The following PRKN variants were observed in gnomAD, a reference collection of about 807,000 sequenced individuals.
The protein encoded by PRKN is parkin RBR E3 ubiquitin protein ligase, also known as E3 ubiquitin-protein ligase parkin.
PRKN carries 56 observed loss-of-function variants against 59.5 expected under a neutral mutation model. That is an observed-to-expected ratio of 0.94 (90% CI 0.76 to 1.18). The LOEUF is 1.18. Among genes scored for constraint, PRKN ranks in the 50% most tolerant of loss-of-function variants. The pLI, the probability that PRKN is intolerant of heterozygous loss-of-function variation, is 0.00. For missense variants in PRKN, 657 were observed against 596.4 expected (o/e 1.10, Z -1.06); for synonymous variants, 250 against 222.1 (o/e 1.13, Z -1.12).
chr6:161,993,822 A>C (rs772754877), intron 5 of PRKN, among the ~76,000 whole-genome samples: 1 of 152,184 alleles, frequency 6.6e-6, no homozygotes, highest in Non-Finnish European at 1.5e-5. Context: ...TTCCAACCAC[A>C]GCAGAAGGCA....
intron 5 of PRKN, among the ~76,000 whole-genome samples, chr6:162,010,530 ATT>A (rs1782493412): frequency 3.5e-5 from 1 of 28,800 alleles, no homozygotes; most frequent in African/African-American, 2.7e-4. Flanking sequence ...TATATAATAT[ATT>A]ATATAATGTA....
intron 7 of PRKN, among the ~76,000 whole-genome samples, chr6:161,716,619 G>C (rs1028810965): frequency 7.9e-5 from 12 of 152,290 alleles, no homozygotes; most frequent in African/African-American, 2.9e-4. Context: ...CAAGAGGGGG[G>C]GAAAAGAAAC....
intron 1 of PRKN, among the ~76,000 whole-genome samples, chr6:162,573,399 T>C (rs1407296405): frequency 1.3e-5 from 2 of 152,190 alleles, no homozygotes; most frequent in East Asian, 1.9e-4. Context: ...AGTGCTCCCA[T>C]GCATAGATAT....
intron 7 of PRKN, among the ~76,000 whole-genome samples, chr6:161,587,313 C>T (rs1461709617): frequency 6.6e-6 from 1 of 152,042 alleles, no homozygotes; most frequent in African/African-American, 2.4e-5. Context: ...TGTTTAAAAG[C>T]TATAAAGAAG....
chr6:162,122,922 G>A (rs1023954271), intron 4 of PRKN, among the ~76,000 whole-genome samples: 3 of 151,574 alleles, frequency 2.0e-5, no homozygotes, highest in East Asian at 1.9e-4. Context: ...TGTTTCATTC[G>A]TGTCTTCTCA....
intron 4 of PRKN, among the ~76,000 whole-genome samples, chr6:162,135,713 G>GAGAAGGT (rs752678677): frequency 2.6e-5 from 4 of 152,070 alleles, no homozygotes; most frequent in Non-Finnish European, 5.9e-5. Flanking sequence ...GGGCTGGTCA[G>GAGAAGGT]AGAAGGTAGA....
chr6:162,679,066 T>C (rs1005501023), intron 1 of PRKN, among the ~76,000 whole-genome samples: 3 of 111,416 alleles, frequency 2.7e-5, no homozygotes, highest in Non-Finnish European at 5.8e-5. Context: ...TGAGCCACTG[T>C]GCCTGGCCTT....
At chr6:162,194,758 TTTTGGAAGTATTAGCTTTGGTAAAAG>T (rs1784425956) in intron 4 of PRKN, among the ~76,000 whole-genome samples, 6 of 152,180 alleles carry the variant, frequency 3.9e-5, no homozygotes, top group Admixed American at 3.9e-4. Context: ...AACCTGGCTC[TTTTGGAAGTATTAGCTTTGGTAAAAG>T]GGAAAAAGAG....
chr6:161,719,262 T>C (rs938874699), intron 7 of PRKN, among the ~76,000 whole-genome samples: 47 of 151,452 alleles, frequency 3.1e-4, no homozygotes, highest in African/African-American at 1.1e-3. Flanking sequence ...TTCTCAAGAG[T>C]TGCAGGAGAA....
chr6:161,608,659 C>T (rs1349745132), intron 7 of PRKN, among the ~76,000 whole-genome samples: 1 of 151,476 alleles, frequency 6.6e-6, no homozygotes, highest in African/African-American at 2.4e-5. Flanking sequence ...CAGCCTCCAG[C>T]GTAGCTGGGA....
intron 2 of PRKN, among the ~76,000 whole-genome samples, chr6:162,404,606 G>A (rs1787969159): frequency 6.6e-6 from 1 of 151,992 alleles, no homozygotes. Context: ...AGGCTAGAGT[G>A]CAGTGGTACA....
intron 6 of PRKN, among the ~76,000 whole-genome samples, chr6:161,803,940 C>G (rs1791200379): frequency 1.3e-5 from 2 of 152,166 alleles, no homozygotes; most frequent in African/African-American, 4.8e-5. Context: ...GAAGATGGAA[C>G]CAAAGAAGGA....
intron 7 of PRKN, among the ~76,000 whole-genome samples, chr6:161,633,778 C>T (rs1177433791): frequency 1.3e-5 from 2 of 152,112 alleles, no homozygotes; most frequent in Non-Finnish European, 2.9e-5. Flanking sequence ...GCATATGTGA[C>T]ACCATCTAGT....
intron 7 of PRKN, among the ~76,000 whole-genome samples, chr6:161,769,870 G>A (rs1352711431): frequency 3.3e-5 from 5 of 152,066 alleles, no homozygotes; most frequent in Admixed American, 1.3e-4. Flanking sequence ...ATTATGCTGC[G>A]GTTGTGTGTG....
chr6:162,659,883 C>CAG (rs1179326641), intron 1 of PRKN, among the ~76,000 whole-genome samples: 1 of 152,096 alleles, frequency 6.6e-6, no homozygotes, highest in Non-Finnish European at 1.5e-5. Context: ...ACTGCTTGGA[C>CAG]AGAGTATATT....
At chr6:161,791,154 C>T (rs1282946774) in intron 6 of PRKN, among the ~76,000 whole-genome samples, 3 of 152,158 alleles carry the variant, frequency 2.0e-5, no homozygotes, top group African/African-American at 7.2e-5. Flanking sequence ...AAGTAAAGTT[C>T]TCAATTATAT....
chr6:161,805,173 T>G (rs895999782), intron 6 of PRKN, among the ~76,000 whole-genome samples: 2 of 152,146 alleles, frequency 1.3e-5, no homozygotes, highest in African/African-American at 2.4e-5. Flanking sequence ...GTAGAAACAA[T>G]GTGTCTCAAT....
At chr6:162,077,500 A>G (rs1778874722) in intron 4 of PRKN, among the ~76,000 whole-genome samples, 1 of 152,034 alleles carries the variant, frequency 6.6e-6, no homozygotes, top group Non-Finnish European at 1.5e-5. Context: ...ATGGAGAAAA[A>G]TTAGTGCAAG....
intron 7 of PRKN, among the ~76,000 whole-genome samples, chr6:161,650,169 A>G (rs1397348073): frequency 1.3e-5 from 2 of 152,186 alleles, no homozygotes; most frequent in Non-Finnish European, 2.9e-5. Flanking sequence ...TGTTCTGCTT[A>G]TATGCCTGAC....
Sources: gnomAD v4.1 joint callset for allele counts (sites outside exome capture counted in the v4.1 genomes callset) on GRCh38, gnomAD v4.1.1 for gene constraint, MANE v1.5 for transcripts, NCBI Gene and HGNC (gene_info 2026-07-23, HGNC 2026-07-21) for gene names.